The following SYNGR1 variants were observed in gnomAD, a reference collection of about 807,000 sequenced individuals.
The protein encoded by SYNGR1 is synaptogyrin 1.
SYNGR1 carries 14 observed loss-of-function variants against 26.1 expected under a neutral mutation model. The ratio of observed to expected loss-of-function variants is 0.54; its 90% confidence interval spans 0.35 to 0.84. The LOEUF is 0.84. Ranked by LOEUF, SYNGR1 falls within the 40% of genes least tolerant of loss-of-function variation. The probability of loss-of-function intolerance (pLI) is 0.01; values close to 1 mark genes in which losing one functional copy is unlikely to be tolerated. For synonymous variants in SYNGR1, 141 were observed against 150.1 expected (o/e 0.94, Z 0.44); for missense variants, 319 against 332.9 (o/e 0.96, Z 0.33).
chr22:39,352,141 CT>C (rs1569172666), intron 1 of SYNGR1, among the ~76,000 whole-genome samples: 1 of 152,308 alleles, frequency 6.6e-6, no homozygotes, highest in South Asian at 2.1e-4. Context: ...AAGAGTAGTT[CT>C]CCCCCTGGGG....
chr22:39,356,281 CTG>C (rs1478915078), intron 1 of SYNGR1, among the ~76,000 whole-genome samples: 1 of 152,140 alleles, frequency 6.6e-6, no homozygotes, highest in East Asian at 1.9e-4. Flanking sequence ...TCTCAAACTC[CTG>C]ACCTCAAGTG....
At chr22:39,381,666 G>A (rs1410853967) in intron 3 of SYNGR1, 30 bp from the exon 4 acceptor site, 1 of 1,612,392 alleles carries the variant, frequency 6.2e-7, no homozygotes, top group East Asian at 2.2e-5. Flanking sequence ...CCTCCCGCCT[G>A]TCCTTGTCCT....
chr22:39,353,404 C>A (rs986909957), intron 1 of SYNGR1, among the ~76,000 whole-genome samples: 3 of 152,350 alleles, frequency 2.0e-5, no homozygotes, highest in Admixed American at 2.0e-4. Context: ...GTCTCAGACT[C>A]CTGGACTCAA....
chr22:39,360,032 G>A (rs1345043135), intron 1 of SYNGR1, among the ~76,000 whole-genome samples: 3 of 152,138 alleles, frequency 2.0e-5, no homozygotes, highest in African/African-American at 4.8e-5. Context: ...CAGTGGCCAC[G>A]TGTTGCAGCT....
intron 1 of SYNGR1, among the ~76,000 whole-genome samples, chr22:39,364,649 G>A (rs1020069796): frequency 1.3e-5 from 2 of 152,152 alleles, no homozygotes; most frequent in African/African-American, 4.8e-5. Flanking sequence ...CGCTCCCATT[G>A]AAGATGAAGA....
intron 3 of SYNGR1, among the ~76,000 whole-genome samples, chr22:39,376,830 GA>G (rs1257039279): frequency 6.6e-6 from 1 of 152,244 alleles, no homozygotes; most frequent in Non-Finnish European, 1.5e-5. Context: ...GCAGAAGTCT[GA>G]ATTTTTACAT....
At chr22:39,358,546 G>T (rs536015468) in intron 1 of SYNGR1, among the ~76,000 whole-genome samples, 1 of 151,694 alleles carries the variant, frequency 6.6e-6, no homozygotes, top group Non-Finnish European at 1.5e-5. Flanking sequence ...CGAGCCCACC[G>T]GGAGGAACGA....
chr22:39,355,449 G>A (rs965867332), intron 1 of SYNGR1, among the ~76,000 whole-genome samples: 2 of 152,214 alleles, frequency 1.3e-5, no homozygotes, highest in Non-Finnish European at 2.9e-5. Context: ...TCCTGTGGCC[G>A]GCCGCTCCGC....
At chr22:39,366,948 C>T (rs1196472349) in intron 1 of SYNGR1, among the ~76,000 whole-genome samples, 1 of 152,198 alleles carries the variant, frequency 6.6e-6, no homozygotes, top group Non-Finnish European at 1.5e-5. Flanking sequence ...TTGCTCGGCT[C>T]CTATCGTGCG....
At chr22:39,375,771 C>T (rs1410696285) in intron 2 of SYNGR1, 1 of 606,664 alleles carries the variant, frequency 1.6e-6, no homozygotes, top group Admixed American at 2.9e-5. Context: ...CTCCATCCTC[C>T]CCTCTCACTG....
At chr22:39,353,017 A>G (rs1923981001) in intron 1 of SYNGR1, among the ~76,000 whole-genome samples, 1 of 151,798 alleles carries the variant, frequency 6.6e-6, no homozygotes, top group Non-Finnish European at 1.5e-5. Context: ...ACACACCACC[A>G]CGCCCAGCTA....
chr22:39,376,231 G>A (rs764594876), intron 3 of SYNGR1, 34 bp downstream of exon 3: 117 of 1,613,386 alleles, frequency 7.3e-5, no homozygotes, highest in South Asian at 9.9e-5. Flanking sequence ...GCCCACACTC[G>A]TCCCCTTTCC....
At position 39,382,037 on chromosome 22, in the gene SYNGR1, C is replaced by T. The variant is rs1315994626; in HGVS notation, c.*123C>T. On this transcript the variant is annotated 3_prime_UTR_variant, in exon 4 of 4. Transcript: ENST00000328933. ...AGCCTCTGCCTTGTCCCACTGAGGT[C>T]CAGGGTAGCTCGGGGCAGGGGTGGG... The T allele has an allele frequency of 4.5e-6, 5 of 1,121,550 alleles. No homozygotes were observed. In the Admixed American group the frequency reaches 1.0e-4, roughly 22 times the overall value. The allele number at this position is 1,121,550 out of a possible 1,614,324, so 69.5% of individuals were successfully genotyped here.
chr22:39,374,018 A>T (rs1925150733), intron 1 of SYNGR1, among the ~76,000 whole-genome samples: 1 of 152,114 alleles, frequency 6.6e-6, no homozygotes, highest in South Asian at 2.1e-4. Context: ...TCTTGGTGTC[A>T]GGGCCCAGGA....
chr22:39,350,039 A>G lies in SYNGR1; in HGVS notation c.29A>G (p.Lys10Arg). The G allele has an allele frequency of 7.1e-7, 1 of 1,407,954 alleles. No homozygotes were observed. The highest frequency in any genetic ancestry group is 9.4e-7 in the Non-Finnish European group (1 of 1,062,804). 87.2% of individuals were successfully genotyped at this position (1,407,954 alleles called of 1,614,324 possible). The change falls in exon 1 of 4, where the codon AAA becomes AGA. Residue 10 changes from lysine (K) to arginine (R), a missense_variant. Physicochemically the swap from Lys to Arg is conservative, Grantham distance 26. Coordinates refer to ENST00000328933, the MANE Select transcript of SYNGR1 (RefSeq NM_004711.5). This position sits in a 1 kb window ranked among gnomAD's most constrained non-coding sequence, Gnocchi z 4.3. MEGGAYGAG[K>R]AGGAFDPYTL... ...GAAGGGGGTGCGTACGGAGCGGGCA[A>G]AGCCGGGGGCGCCTTCGACCCCTAC...
intron 1 of SYNGR1, among the ~76,000 whole-genome samples, chr22:39,359,433 G>A (rs1039264503): frequency 1.3e-3 from 189 of 150,646 alleles, no homozygotes; most frequent in African/African-American, 4.4e-3. Flanking sequence ...CATCCTGGCT[G>A]AGACAGTGAA....
chr22:39,355,573 G>A (rs180866924), intron 1 of SYNGR1, among the ~76,000 whole-genome samples: 4 of 152,332 alleles, frequency 2.6e-5, no homozygotes, highest in Admixed American at 1.3e-4. Flanking sequence ...GCCCAGGGGC[G>A]GCCTCAAGAG....
chr22:39,352,453 T>C (rs888045335), intron 1 of SYNGR1, among the ~76,000 whole-genome samples: 4 of 152,200 alleles, frequency 2.6e-5, no homozygotes, highest in African/African-American at 9.7e-5. Context: ...GATGGTAAAT[T>C]GTATGTTACG....
At chr22:39,364,361 C>T (rs1161042279) in intron 1 of SYNGR1, 20 of 1,611,526 alleles carry the variant, frequency 1.2e-5, no homozygotes, top group Non-Finnish European at 1.7e-5. Context: ...GCCTCCCTGA[C>T]TGTGAAATGC....
Sources: gnomAD v4.1 joint callset for allele counts (sites outside exome capture counted in the v4.1 genomes callset) on GRCh38, gnomAD v4.1.1 for gene constraint, Gnocchi (gnomAD v3.1) non-coding constraint, MANE v1.5 for transcripts, NCBI Gene and HGNC (gene_info 2026-07-23, HGNC 2026-07-21) for gene names.